The following CSMD2 variants were observed in gnomAD, a reference collection of about 807,000 sequenced individuals.
CSMD2 encodes the protein CUB and sushi domain-containing protein 2.
CSMD2 carries 130 observed loss-of-function variants against 398.5 expected under a neutral mutation model. That is an observed-to-expected ratio of 0.33 (90% CI 0.28 to 0.38). The LOEUF is 0.38. CSMD2 is among the 10% of genes least tolerant of loss of function. The pLI is 1.00. For synonymous variants in CSMD2, 1,828 were observed against 1,908.5 expected (o/e 0.96, Z 1.10); for missense variants, 3,829 against 4,764.9 (o/e 0.80, Z 5.78).
Position 33,537,192 on chromosome 1 carries a change from C to A in CSMD2, c.9806-97G>T. 7.3e-7 allele frequency: 1 copy of A among 1,370,976 alleles called. No homozygotes were observed. The highest frequency in any genetic ancestry group is 1.2e-5 in the South Asian group (1 of 82,492). 84.9% of individuals were successfully genotyped at this position (1,370,976 alleles called of 1,614,324 possible). A position where few individuals can be genotyped will look rare whatever the true frequency, so the allele number is the denominator to read the frequency against. On this transcript the variant is annotated intron_variant, in intron 61 of 70. Coordinates refer to ENST00000373381, the MANE Select transcript of CSMD2 (RefSeq NM_001281956.2). The surrounding 1 kb of genome is among the most constrained non-coding windows in gnomAD (Gnocchi z 4.6). ...ATAGGTGTAGAAAAGAAAATGCGGCCACATCCTGACTTCCCTGCCCACTGA... is the reference window on the plus strand; with the variant it reads ...ATAGGTGTAGAAAAGAAAATGCGGCAACATCCTGACTTCCCTGCCCACTGA...
chr1:33,689,495 T>A (rs922091184), intron 25 of CSMD2, among the ~76,000 whole-genome samples: 2 of 152,180 alleles, frequency 1.3e-5, no homozygotes, highest in Non-Finnish European at 1.5e-5. Context: ...TTTGATCTTG[T>A]CTTCCTGAGG....
chr1:34,005,314 G>C (rs1647023244), intron 3 of CSMD2, among the ~76,000 whole-genome samples: 1 of 152,210 alleles, frequency 6.6e-6, no homozygotes, highest in South Asian at 2.1e-4. Flanking sequence ...CTGTGATAGT[G>C]AAAATACAGA....
chr1:34,068,111 G>A (rs1655316924), intron 2 of CSMD2, among the ~76,000 whole-genome samples: 1 of 152,210 alleles, frequency 6.6e-6, no homozygotes, highest in South Asian at 2.1e-4. Flanking sequence ...TCCCTGGAAT[G>A]TACATTTCAC....
intron 57 of CSMD2, among the ~76,000 whole-genome samples, chr1:33,544,420 A>G (rs1365648015): frequency 6.6e-6 from 1 of 151,866 alleles, no homozygotes; most frequent in East Asian, 1.9e-4. Flanking sequence ...CCCGGCCTCC[A>G]TATTTGTCTT....
chr1:33,613,833 A>G (rs1429705371), intron 40 of CSMD2, among the ~76,000 whole-genome samples: 1 of 152,176 alleles, frequency 6.6e-6, no homozygotes, highest in African/African-American at 2.4e-5. Context: ...GTTAAATGAT[A>G]TTCCCAGTGC....
intron 1 of CSMD2, among the ~76,000 whole-genome samples, chr1:34,138,805 C>G (rs1487661471): frequency 6.6e-6 from 1 of 151,924 alleles, no homozygotes; most frequent in Non-Finnish European, 1.5e-5. Context: ...CCAGCATATA[C>G]TCCTTTTTTT....
At chr1:34,126,780 G>T (rs1327840885) in intron 1 of CSMD2, among the ~76,000 whole-genome samples, 1 of 109,016 alleles carries the variant, frequency 9.2e-6, no homozygotes, top group Non-Finnish European at 1.9e-5. Flanking sequence ...GGCAAGGAGA[G>T]ACTCGGGGAG....
At chr1:33,810,611 A>AT in intron 10 of CSMD2, 132 bp downstream of exon 10, 1 of 939,410 alleles carries the variant, frequency 1.1e-6, no homozygotes, top group Non-Finnish European at 1.6e-6. Context: ...GATATTAATA[A>AT]AAAAAAAAGT....
chr1:33,629,335 AAC>A (rs1240239436), intron 32 of CSMD2, among the ~76,000 whole-genome samples: 1 of 152,244 alleles, frequency 6.6e-6, no homozygotes, highest in Non-Finnish European at 1.5e-5. Flanking sequence ...AAATCAAAAC[AAC>A]ACAAACAAAA....
chr1:33,780,971 A>G (rs1398712104), intron 12 of CSMD2, among the ~76,000 whole-genome samples: 2 of 152,210 alleles, frequency 1.3e-5, no homozygotes, highest in Admixed American at 1.3e-4. Context: ...GACAAGAGGA[A>G]AGGCGGTGTC....
At chr1:34,063,611 C>G (rs1470781371) in intron 2 of CSMD2, among the ~76,000 whole-genome samples, 3 of 152,204 alleles carry the variant, frequency 2.0e-5, no homozygotes, top group Non-Finnish European at 4.4e-5. Flanking sequence ...CGGCCTGTGG[C>G]TTTGCAGGGT....
chr1:33,797,907 C>T (rs1402382632), intron 10 of CSMD2, among the ~76,000 whole-genome samples: 1 of 152,160 alleles, frequency 6.6e-6, no homozygotes, highest in Non-Finnish European at 1.5e-5. Flanking sequence ...CTTTGAAGGC[C>T]AGAACCCAGA....
chr1:34,134,646 C>T (rs1286367905), intron 1 of CSMD2, among the ~76,000 whole-genome samples: 1 of 152,068 alleles, frequency 6.6e-6, no homozygotes, highest in Non-Finnish European at 1.5e-5. Context: ...AAACACAGGT[C>T]CAAACTGCAA....
intron 5 of CSMD2, among the ~76,000 whole-genome samples, chr1:33,894,206 A>T (rs1642228539): frequency 6.6e-6 from 1 of 152,176 alleles, no homozygotes; most frequent in African/African-American, 2.4e-5. Context: ...GTCTCACTCC[A>T]GAGCTGCCTA....
intron 5 of CSMD2, among the ~76,000 whole-genome samples, chr1:33,908,624 GACA>G (rs889739487): frequency 3.9e-5 from 6 of 152,240 alleles, no homozygotes; most frequent in Admixed American, 1.3e-4. Context: ...TGCCCACTGC[GACA>G]ACACCAGTTC....
intron 3 of CSMD2, among the ~76,000 whole-genome samples, chr1:33,936,584 T>C (rs909810243): frequency 6.6e-6 from 1 of 152,216 alleles, no homozygotes; most frequent in Non-Finnish European, 1.5e-5. Flanking sequence ...GCACAGTGTG[T>C]GGCCAGAGCC....
chr1:33,828,141 C>T (rs1179857922), intron 6 of CSMD2, among the ~76,000 whole-genome samples: 1 of 152,222 alleles, frequency 6.6e-6, no homozygotes, highest in Non-Finnish European at 1.5e-5. Flanking sequence ...TCCCAACATG[C>T]ATTCAAACCG....
Position 34,163,979 on chromosome 1 carries a change from A to G in CSMD2, c.187+932T>C, listed in dbSNP as rs1222710295. On this transcript the variant is annotated intron_variant, in intron 1 of 70. Transcript: ENST00000373381. The surrounding 1 kb of genome is among the most constrained non-coding windows in gnomAD (Gnocchi z 5.4). ...CCCGCGCGCTGCAAGCTGCAGCCAG[A>G]CACCCGCGAAGTTCCGGGACTCTCC... 1.3e-5 allele frequency among the ~76,000 whole-genome samples: 2 copies of G among 152,026 alleles called. No individual in the cohort carries two copies. The highest frequency in any genetic ancestry group is 2.9e-5 in the Non-Finnish European group (2 of 67,994).
chr1:33,875,862 TC>T (rs1268998316), intron 5 of CSMD2, among the ~76,000 whole-genome samples: 1 of 152,226 alleles, frequency 6.6e-6, no homozygotes, highest in African/African-American at 2.4e-5. Context: ...CTTGTTTTTG[TC>T]TGAATTCATG....
Sources: gnomAD v4.1 joint callset for allele counts (sites outside exome capture counted in the v4.1 genomes callset) on GRCh38, gnomAD v4.1.1 for gene constraint, Gnocchi (gnomAD v3.1) non-coding constraint, MANE v1.5 for transcripts, NCBI Gene and HGNC (gene_info 2026-07-23, HGNC 2026-07-21) for gene names.